The following ZNF624 variants were observed in gnomAD, a reference collection of about 807,000 sequenced individuals.
ZNF624 encodes zinc finger protein 624.
ZNF624 carries 43 observed loss-of-function variants against 74.7 expected under a neutral mutation model. The ratio of observed to expected loss-of-function variants is 0.58; its 90% CI spans 0.45 to 0.74. ZNF624 has a LOEUF of 0.74. Ranked by LOEUF, ZNF624 falls within the 30% of genes least tolerant of loss-of-function variation. ZNF624 has a pLI of 0.00. For synonymous variants in ZNF624, 331 were observed against 341.3 expected (o/e 0.97, Z 0.33); for missense variants, 820 against 1,030.0 (o/e 0.80, Z 2.79).
At chr17:16,637,448 G>A (rs1328460206) in intron 3 of ZNF624, among the ~76,000 whole-genome samples, 1 of 152,110 alleles carries the variant, frequency 6.6e-6, no homozygotes, top group East Asian at 1.9e-4. Context: ...GAGGCATCGC[G>A]CTACCTGACT....
chr17:16,615,251 C>T, the ZNF624 span, among the ~76,000 whole-genome samples: 1 of 152,182 alleles, frequency 6.6e-6, no homozygotes, highest in Non-Finnish European at 1.5e-5. Context: ...GCGCCCACCA[C>T]CACGCCCGGC....
downstream of ZNF624, among the ~76,000 whole-genome samples, chr17:16,616,672 CACCATTTCCTTAA>C: frequency 6.6e-6 from 1 of 152,290 alleles, no homozygotes; most frequent in South Asian, 2.1e-4. Flanking sequence ...GTCTTCATGC[CACCATTTCCTTAA>C]ACCTCATCTT....
intron 3 of ZNF624, among the ~76,000 whole-genome samples, chr17:16,637,886 G>C (rs1262040861): frequency 1.3e-5 from 2 of 152,060 alleles, no homozygotes; most frequent in Admixed American, 6.6e-5. Context: ...TTCAACTAAA[G>C]AGCTTCTGCA....
chr17:16,638,007 A>C (rs1308981312), intron 3 of ZNF624, among the ~76,000 whole-genome samples: 1 of 152,186 alleles, frequency 6.6e-6, no homozygotes, highest in Non-Finnish European at 1.5e-5. Context: ...CAATGAACTC[A>C]AACAAATTTA....
intron 4 of ZNF624, 38 bp downstream of exon 4, chr17:16,634,591 TG>T (rs767159203): frequency 5.0e-6 from 8 of 1,588,046 alleles, no homozygotes; most frequent in Admixed American, 3.7e-5. Flanking sequence ...CCTGGTCAAA[TG>T]GGCAGATCAA....
Position 16,622,906 on chromosome 17 carries a change from C to T in ZNF624, c.1980G>A (p.Arg660=), listed in dbSNP as rs752502379. Reference sequence around the variant, plus strand: ...TATATGGTTTTTCTCCAGTATGGGTCCTCTGATGTACAATAAGGTATGATT... The same window carrying T: ...TATATGGTTTTTCTCCAGTATGGGTTCTCTGATGTACAATAAGGTATGATT... The part of the protein sequence containing the change: ...RTKSYLIVHQ[R]THTGEKPYKC... The change falls in exon 6 of 6, where the codon AGG becomes AGA. Residue 660 remains arginine, a synonymous_variant. Coordinates refer to ENST00000311331, the MANE Select transcript of ZNF624 (RefSeq NM_020787.4). 1 of 1,613,864 alleles carries T rather than the reference C, an allele frequency of 6.2e-7. No individual in the cohort carries two copies. Among genetic ancestry groups the T allele is most frequent in the Non-Finnish European group, 8.5e-7 (1 of 1,179,914 alleles).
chr17:16,615,956 C>CATACATACAT (rs58603208), downstream of ZNF624, among the ~76,000 whole-genome samples: 1 of 90,318 alleles, frequency 1.1e-5, no homozygotes, highest in East Asian at 2.7e-4. Context: ...ATTCCATATA[C>CATACATACAT]ATATATATAT....
chr17:16,653,236 AAG>A lies in ZNF624; in HGVS notation c.-3+526_-3+527del, dbSNP rs1909769759. Among the ~76,000 whole-genome samples the A allele has an allele frequency of 2.6e-5, 4 of 152,356 alleles. No individual in the cohort carries two copies. In the South Asian group the frequency reaches 8.3e-4, roughly 32 times the overall value. ...TATTTGAAATGTGACATTTCAGGAA[AAG>A]CTGCCTCGGTTACTGAGTAGCGCAG... is the stretch of plus-strand genomic sequence containing the variant. On this transcript the variant is annotated intron_variant, in intron 1 of 5. Transcript: ENST00000311331.
chr17:16,640,876 CA>C (rs144082840), intron 3 of ZNF624, among the ~76,000 whole-genome samples: 1,528 of 152,086 alleles, frequency 0.01, 27 homozygotes, highest in African/African-American at 0.035. Context: ...CCAATATTAC[CA>C]AAACTAGACA....
Position 16,623,427 on chromosome 17 carries a change from G to A in ZNF624, c.1459C>T (p.Leu487Phe), listed in dbSNP as rs1450642715. 1.2e-6 allele frequency: 2 copies of A among 1,613,982 alleles called. No individual in the cohort carries two copies. The highest frequency in any genetic ancestry group is 1.7e-5 in the Admixed American group (1 of 60,010). Residue 487 changes from leucine to phenylalanine, a missense_variant, in exon 6 of 6, where the codon CTT (leucine) becomes TTT (phenylalanine). By Grantham distance (22) the Leu-to-Phe change is conservative (BLOSUM62 0). Transcript: ENST00000311331. This position sits in a 1 kb window ranked among gnomAD's most constrained non-coding sequence, Gnocchi z 5.3. ...GTGTGAGTTCTTATATGTACGATAAGGCTTGAATTACTTCTATAGGCTTTT... is the reference window on the plus strand; with the variant it reads ...GTGTGAGTTCTTATATGTACGATAAAGCTTGAATTACTTCTATAGGCTTTT... ...CGKAYRSNSS[L>F]IVHIRTHTGE...
chr17:16,648,672 TTC>T (rs1489475510), intron 2 of ZNF624, among the ~76,000 whole-genome samples: 1 of 152,238 alleles, frequency 6.6e-6, no homozygotes, highest in Non-Finnish European at 1.5e-5. Flanking sequence ...TTTGTTGGTA[TTC>T]TCTTTCTTCT....
At position 16,649,677 on chromosome 17, in the gene ZNF624, AAC is replaced by A. The variant is rs780659448; in HGVS notation, c.66_67del (p.Phe24LeufsTer8). 2 of 1,614,130 alleles carry A rather than the reference AAC, an allele frequency of 1.2e-6. No individual in the cohort carries two copies. The highest frequency in any genetic ancestry group is 8.5e-7 in the Non-Finnish European group (1 of 1,180,000). The stretch of plus-strand genomic sequence containing the variant: ...ACTTACCAGGCGTCCAACTGAGAAA[AAC>A]ACAGCAGCCATAATCTCTCCCTCTG... On this transcript the variant is annotated frameshift_variant, in exon 2 of 6. Transcript: ENST00000311331. LOFTEE classifies it high-confidence loss of function.
chr17:16,617,922 G>T (rs1908825663), downstream of ZNF624: 1 of 1,321,130 alleles, frequency 7.6e-7, no homozygotes. Flanking sequence ...TTGTGGAACG[G>T]CGGACCGCAA....
At chr17:16,617,453 C>T, downstream of ZNF624, 1 of 1,611,962 alleles carries the variant, frequency 6.2e-7, no homozygotes, top group South Asian at 1.1e-5. Context: ...TTTGTTCCTT[C>T]CTTGTGGGCA....
At chr17:16,649,890 C>G (rs1377248176) in intron 1 of ZNF624, 144 bp from the exon 2 acceptor site, 1 of 642,172 alleles carries the variant, frequency 1.6e-6, no homozygotes, top group East Asian at 2.7e-5. Flanking sequence ...GACAAAGACC[C>G]TTGCTCCGGC....
At chr17:16,636,821 GA>G (rs777694531) in intron 3 of ZNF624, among the ~76,000 whole-genome samples, 44 of 150,920 alleles carry the variant, frequency 2.9e-4, no homozygotes, top group African/African-American at 9.8e-4. Context: ...GGTACACGAA[GA>G]GAGACTCCGT....
intron 2 of ZNF624, 31 bp from the exon 3 acceptor site, chr17:16,647,425 GAT>G: frequency 6.3e-7 from 1 of 1,591,678 alleles, no homozygotes; most frequent in South Asian, 1.1e-5. Context: ...ATCATTCAGT[GAT>G]AGGCTGCCTA....
At chr17:16,628,645 G>A (rs1883045362) in intron 5 of ZNF624, among the ~76,000 whole-genome samples, 1 of 152,050 alleles carries the variant, frequency 6.6e-6, no homozygotes, top group African/African-American at 2.4e-5. Context: ...AAGCAGAAGA[G>A]ACATCCAGGA....
chr17:16,623,383 T>G lies in ZNF624; in HGVS notation c.1503A>C (p.Glu501Asp). 1 of 1,614,002 alleles carries G rather than the reference T, an allele frequency of 6.2e-7. No homozygotes were observed. Among genetic ancestry groups the G allele is most frequent in the Non-Finnish European group, 8.5e-7 (1 of 1,179,906 alleles). The change falls in exon 6 of 6, where the codon GAA (glutamate) becomes GAC (aspartate). Residue 501 changes from glutamate to aspartate, a missense_variant. Coordinates refer to ENST00000311331, the MANE Select transcript of ZNF624 (RefSeq NM_020787.4). The surrounding 1 kb of genome is among the most constrained non-coding windows in gnomAD (Gnocchi z 5.3). ...IRTHTGEKPY[E>D]CNECGKAFNR... The stretch of plus-strand genomic sequence containing the variant: ...TGAATGCTTTCCCACATTCATTACA[T>G]TCATAGGGTTTTTCCCCAGTGTGAG...
Sources: allele counts gnomAD v4.1 joint callset (sites outside exome capture counted in the v4.1 genomes callset), GRCh38; gene constraint gnomAD v4.1.1; non-coding constraint Gnocchi (gnomAD v3.1); transcripts MANE v1.5; gene names NCBI Gene and HGNC (gene_info 2026-07-23, HGNC 2026-07-21).